The following SYT9 variants were observed in gnomAD, a reference collection of about 807,000 sequenced individuals.
The protein encoded by SYT9 is synaptotagmin-9.
Under a neutral mutation model 48.4 loss-of-function variants are expected in SYT9, and 22 were observed. The ratio of observed to expected loss-of-function variants is 0.45; its 90% CI spans 0.32 to 0.65. SYT9 has a LOEUF of 0.65. Ranked by LOEUF, SYT9 falls within the 30% of genes least tolerant of loss-of-function variation. The pLI, the probability that SYT9 is intolerant of heterozygous loss-of-function variation, is 0.03. For synonymous variants in SYT9, 265 were observed against 245.0 expected (o/e 1.08, Z -0.76); for missense variants, 577 against 622.0 (o/e 0.93, Z 0.77).
At chr11:7,271,559 C>T (rs759394893) in intron 1 of SYT9, among the ~76,000 whole-genome samples, 3 of 152,006 alleles carry the variant, frequency 2.0e-5, no homozygotes, top group Non-Finnish European at 2.9e-5. Context: ...TCAGAATATT[C>T]TGCTTGTTTT....
chr11:7,279,087 C>T (rs1589908748), intron 1 of SYT9, among the ~76,000 whole-genome samples: 1 of 152,078 alleles, frequency 6.6e-6, no homozygotes, highest in Admixed American at 6.6e-5. Context: ...GGAGCAATGC[C>T]AGCAGATAAA....
At chr11:7,283,209 G>T (rs1848534455) in intron 1 of SYT9, among the ~76,000 whole-genome samples, 1 of 149,990 alleles carries the variant, frequency 6.7e-6, no homozygotes, top group Non-Finnish European at 1.5e-5. Context: ...TTATATATAT[G>T]TTATATATGT....
At chr11:7,240,350 C>G (rs1007419726) in intron 1 of SYT9, among the ~76,000 whole-genome samples, 1 of 152,068 alleles carries the variant, frequency 6.6e-6, no homozygotes, top group Admixed American at 6.6e-5. Flanking sequence ...GTTTCACTGT[C>G]AATTGAGCCT....
At chr11:7,289,583 C>T (rs976466328) in intron 1 of SYT9, among the ~76,000 whole-genome samples, 3 of 152,226 alleles carry the variant, frequency 2.0e-5, no homozygotes, top group Non-Finnish European at 2.9e-5. Context: ...ACAACACTGC[C>T]TGCTCATAGC....
chr11:7,392,246 C>CATTA, intron 3 of SYT9, among the ~76,000 whole-genome samples: 1 of 152,206 alleles, frequency 6.6e-6, no homozygotes, highest in East Asian at 1.9e-4. Context: ...TGAGGCCTTA[C>CATTA]ATTAAATCTT....
chr11:7,419,144 A>G (rs1396863957), intron 5 of SYT9, among the ~76,000 whole-genome samples: 2 of 152,204 alleles, frequency 1.3e-5, no homozygotes, highest in Non-Finnish European at 2.9e-5. Context: ...GCAAGAAACA[A>G]CACCAACAGT....
intron 6 of SYT9, among the ~76,000 whole-genome samples, chr11:7,420,857 A>G (rs1031555396): frequency 2.0e-5 from 3 of 152,132 alleles, no homozygotes; most frequent in African/African-American, 7.2e-5. Flanking sequence ...ATCATCCCTC[A>G]TTTTGATTGT....
At chr11:7,401,315 A>G (rs73399589) in intron 3 of SYT9, among the ~76,000 whole-genome samples, 2,171 of 150,654 alleles carry the variant, frequency 0.014, 47 homozygotes, top group African/African-American at 0.048. Flanking sequence ...TTGTATATAT[A>G]TAATACATAT....
chr11:7,293,626 G>A (rs1159506549), intron 1 of SYT9, among the ~76,000 whole-genome samples: 1 of 152,168 alleles, frequency 6.6e-6, no homozygotes, highest in Non-Finnish European at 1.5e-5. Flanking sequence ...AAGTCATATG[G>A]CAGTTTCAGA....
intron 1 of SYT9, among the ~76,000 whole-genome samples, chr11:7,281,878 G>T (rs1223802595): frequency 6.6e-6 from 1 of 152,104 alleles, no homozygotes; most frequent in Non-Finnish European, 1.5e-5. Flanking sequence ...AGTTCATTCT[G>T]CTCCCCAAGA....
intron 3 of SYT9, among the ~76,000 whole-genome samples, chr11:7,397,147 A>G (rs1228788468): frequency 6.6e-6 from 1 of 152,086 alleles, no homozygotes; most frequent in Non-Finnish European, 1.5e-5. Flanking sequence ...ATTTAGATCT[A>G]TTGTCCATTT....
At chr11:7,311,342 A>G (rs1011930940) in intron 2 of SYT9, among the ~76,000 whole-genome samples, 6 of 152,194 alleles carry the variant, frequency 3.9e-5, no homozygotes, top group African/African-American at 1.4e-4. Context: ...CAAAACCACT[A>G]TGGTAGATTT....
chr11:7,255,564 T>G (rs1847952990), intron 1 of SYT9, among the ~76,000 whole-genome samples: 1 of 152,036 alleles, frequency 6.6e-6, no homozygotes, highest in South Asian at 2.1e-4. Flanking sequence ...ATAGTGGTAA[T>G]GGAGGTGATG....
chr11:7,357,582 G>A (rs1023232481), intron 3 of SYT9, among the ~76,000 whole-genome samples: 2 of 151,914 alleles, frequency 1.3e-5, no homozygotes, highest in Non-Finnish European at 2.9e-5. Context: ...TTTTCTCTGG[G>A]CATTCTTTTT....
chr11:7,399,694 A>G (rs141539108), intron 3 of SYT9, among the ~76,000 whole-genome samples: 2 of 152,366 alleles, frequency 1.3e-5, no homozygotes, highest in East Asian at 1.9e-4. Context: ...CTGATGAGAC[A>G]TCCTCTATAG....
intron 3 of SYT9, among the ~76,000 whole-genome samples, chr11:7,363,780 A>T (rs1458316688): frequency 6.6e-6 from 1 of 152,194 alleles, no homozygotes; most frequent in African/African-American, 2.4e-5. Flanking sequence ...TTTATAACAG[A>T]TACCACTGAG....
intron 2 of SYT9, among the ~76,000 whole-genome samples, chr11:7,306,719 C>T (rs1478369069): frequency 6.6e-6 from 1 of 152,210 alleles, no homozygotes; most frequent in Non-Finnish European, 1.5e-5. Flanking sequence ...TCCCCGGCCA[C>T]TCCATCTGAA....
intron 3 of SYT9, among the ~76,000 whole-genome samples, chr11:7,375,134 T>C (rs1850429450): frequency 6.6e-6 from 1 of 152,218 alleles, no homozygotes; most frequent in Non-Finnish European, 1.5e-5. Flanking sequence ...GTTTTCTGCA[T>C]ATGGCTAGCC....
chr11:7,330,125 G>A (rs1849500946), intron 3 of SYT9, among the ~76,000 whole-genome samples: 1 of 151,954 alleles, frequency 6.6e-6, no homozygotes, highest in South Asian at 2.1e-4. Context: ...ACTCATAATT[G>A]ACAAAAACTG....
Sources: gnomAD v4.1 joint callset for allele counts (sites outside exome capture counted in the v4.1 genomes callset) on GRCh38, gnomAD v4.1.1 for gene constraint, MANE v1.5 for transcripts, NCBI Gene and HGNC (gene_info 2026-07-23, HGNC 2026-07-21) for gene names.